Variants in NREP observed in about 807,000 individuals in gnomAD.
NREP encodes neuronal regeneration related protein.
In NREP, 5 loss-of-function variants were observed where a neutral mutation model predicts 8.6. The observed-to-expected ratio is 0.58, with a 90% CI of 0.30 to 1.22. The LOEUF is 1.22. Among genes scored for constraint, NREP ranks in the 50% most tolerant of loss-of-function variants. The pLI is 0.07. For missense variants in NREP, 86 were observed against 82.5 expected (o/e 1.04, Z -0.17); for synonymous variants, 27 against 28.0 (o/e 0.96, Z 0.11).
intron 2 of NREP, among the ~76,000 whole-genome samples, chr5:111,924,096 T>G (rs576410602): frequency 4.8e-4 from 73 of 152,288 alleles, no homozygotes; most frequent in African/African-American, 1.7e-3. Flanking sequence ...TAATTCTTTC[T>G]TCTGCCAATG....
chr5:111,892,107 A>G (rs1191216312), intron 2 of NREP, among the ~76,000 whole-genome samples: 2 of 152,132 alleles, frequency 1.3e-5, no homozygotes, highest in African/African-American at 4.8e-5. Flanking sequence ...GAAAAAACAC[A>G]CTCTCATTCA....
intron 2 of NREP, among the ~76,000 whole-genome samples, chr5:111,810,497 C>T (rs984867140): frequency 6.6e-6 from 1 of 152,180 alleles, no homozygotes; most frequent in African/African-American, 2.4e-5. Context: ...TCATAATAAT[C>T]ACATATTCAA....
chr5:111,746,262 C>T (rs1427035900), intron 2 of NREP, among the ~76,000 whole-genome samples: 2 of 151,578 alleles, frequency 1.3e-5, no homozygotes, highest in Non-Finnish European at 2.9e-5. Flanking sequence ...AAAGGAAAAA[C>T]AGGTTTAATA....
intron 2 of NREP, among the ~76,000 whole-genome samples, chr5:111,953,950 G>T (rs1467993966): frequency 1.3e-5 from 2 of 152,104 alleles, no homozygotes; most frequent in South Asian, 2.1e-4. Flanking sequence ...GTACCTGAGG[G>T]AGTATCAGCA....
intron 2 of NREP, among the ~76,000 whole-genome samples, chr5:111,875,711 G>A (rs1278654559): frequency 6.6e-6 from 1 of 152,150 alleles, no homozygotes; most frequent in Non-Finnish European, 1.5e-5. Context: ...TCTTACTAGT[G>A]GAAGTAATTT....
rs533109432 is a variant in NREP, at chr5:111,802,548, T to C, written c.136-67041A>G. On this transcript the variant is annotated intron_variant, in intron 2 of 3. Transcript: ENST00000395634. The stretch of plus-strand genomic sequence containing the variant: ...CTCCAGGCAAGAGATGAATAAGGCC[T>C]AGATCAGCATTGTATTTTTTTAAAA... Among the ~76,000 whole-genome samples, 15 of 152,270 alleles carry C rather than the reference T, an allele frequency of 9.9e-5. No individual in the cohort carries two copies. The South Asian group carries it at 1.2e-3, about 13-fold the overall frequency.
chr5:111,843,976 ACTAT>A (rs1753095429), intron 2 of NREP, among the ~76,000 whole-genome samples: 10 of 152,226 alleles, frequency 6.6e-5, no homozygotes, highest in Admixed American at 6.5e-4. Context: ...CTAAATGTCA[ACTAT>A]ATGCTCTTTA....
chr5:111,855,259 G>A (rs558304317), intron 2 of NREP, among the ~76,000 whole-genome samples: 1 of 152,214 alleles, frequency 6.6e-6, no homozygotes, highest in East Asian at 1.9e-4. Flanking sequence ...TATTGGTTTG[G>A]GACTTTGATC....
intron 2 of NREP, among the ~76,000 whole-genome samples, chr5:111,909,673 A>C (rs996174677): frequency 6.6e-6 from 1 of 152,038 alleles, no homozygotes; most frequent in African/African-American, 2.4e-5. Context: ...TTTTATGTGA[A>C]TTTCCATTTA....
At chr5:111,751,811 A>G (rs954225642) in intron 2 of NREP, among the ~76,000 whole-genome samples, 10 of 152,206 alleles carry the variant, frequency 6.6e-5, no homozygotes, top group Admixed American at 1.3e-4. Flanking sequence ...TTTTTTGAGC[A>G]TAATTATTCA....
intron 2 of NREP, among the ~76,000 whole-genome samples, chr5:111,904,708 T>G (rs981433162): frequency 3.9e-5 from 6 of 152,082 alleles, no homozygotes; most frequent in African/African-American, 1.4e-4. Flanking sequence ...CCCTTGGAGA[T>G]CGACAGATGC....
intron 2 of NREP, among the ~76,000 whole-genome samples, chr5:111,953,660 A>C (rs1397261948): frequency 6.6e-6 from 1 of 152,148 alleles, no homozygotes; most frequent in Non-Finnish European, 1.5e-5. Flanking sequence ...TATGGAATGG[A>C]AAGAACGAGG....
chr5:111,823,051 T>G (rs1483195633), intron 2 of NREP, among the ~76,000 whole-genome samples: 3 of 152,240 alleles, frequency 2.0e-5, no homozygotes, highest in Non-Finnish European at 2.9e-5. Context: ...CATCTGCATC[T>G]GGCAAGGGCC....
chr5:111,971,816 T>G (rs1756828086), intron 2 of NREP, among the ~76,000 whole-genome samples: 1 of 151,946 alleles, frequency 6.6e-6, no homozygotes, highest in Non-Finnish European at 1.5e-5. Context: ...AAAAAGCTCC[T>G]TCACATGGGA....
chr5:111,792,894 G>T (rs991551716), intron 2 of NREP, among the ~76,000 whole-genome samples: 11 of 152,146 alleles, frequency 7.2e-5, no homozygotes, highest in African/African-American at 2.7e-4. Context: ...CATCAGGATG[G>T]GAAAATTTTT....
intron 2 of NREP, among the ~76,000 whole-genome samples, chr5:111,918,853 T>A (rs1269983681): frequency 6.6e-6 from 1 of 151,900 alleles, no homozygotes; most frequent in Non-Finnish European, 1.5e-5. Context: ...AAGCCAAAAT[T>A]GACAAATGCA....
intron 2 of NREP, among the ~76,000 whole-genome samples, chr5:111,765,481 G>A (rs1225179230): frequency 6.6e-6 from 1 of 152,182 alleles, no homozygotes; most frequent in African/African-American, 2.4e-5. Context: ...GTTAGCTCAA[G>A]AACTATATAG....
At chr5:111,939,684 C>T (rs1362462619) in intron 2 of NREP, among the ~76,000 whole-genome samples, 1 of 151,908 alleles carries the variant, frequency 6.6e-6, no homozygotes, top group Non-Finnish European at 1.5e-5. Flanking sequence ...TATTTAGTAC[C>T]ACGTTATTTG....
chr5:111,872,526 A>G (rs925386242), intron 2 of NREP, among the ~76,000 whole-genome samples: 29 of 152,172 alleles, frequency 1.9e-4, no homozygotes, highest in Non-Finnish European at 2.4e-4. Flanking sequence ...CTTGATCTTT[A>G]GGAAGTCCGA....
Sources: gnomAD v4.1 joint callset for allele counts (sites outside exome capture counted in the v4.1 genomes callset) on GRCh38, gnomAD v4.1.1 for gene constraint, MANE v1.5 for transcripts, NCBI Gene and HGNC (gene_info 2026-07-23, HGNC 2026-07-21) for gene names.